CD79A: variants seen among roughly 807,000 people sequenced by gnomAD.
CD79A encodes the protein CD79a molecule.
A neutral mutation model predicts 27.4 loss-of-function variants in CD79A; 16 were observed. That is an observed-to-expected ratio of 0.58 (90% CI 0.40 to 0.89). CD79A has a LOEUF of 0.89. Among genes scored for constraint, CD79A ranks in the 40% least tolerant of loss-of-function variants. The pLI is 0.00. For missense variants in CD79A, 237 were observed against 299.7 expected (o/e 0.79, Z 1.55); for synonymous variants, 110 against 132.7 (o/e 0.83, Z 1.18).
In CD79A at chr19:41,879,407, G is replaced by A; in HGVS notation, c.379+118G>A. 1.6e-6 allele frequency: 2 copies of A among 1,245,234 alleles called. No individual in the cohort carries two copies. Among genetic ancestry groups the A allele is most frequent in the Non-Finnish European group, 2.3e-6 (2 of 879,110 alleles). 77.1% of individuals were successfully genotyped at this position (1,245,234 alleles called of 1,614,324 possible). On this transcript the variant is annotated intron_variant, in intron 2 of 4. Coordinates refer to ENST00000221972, the MANE Select transcript of CD79A (RefSeq NM_001783.4). The surrounding 1 kb of genome is among the most constrained non-coding windows in gnomAD (Gnocchi z 5.1). ...TGGGTTTCAAACCGGCTTGGACAGA[G>A]GGACGGACATTCTCCTCTGCAGAGT... is the stretch of plus-strand genomic sequence containing the variant.
In CD79A at chr19:41,879,778, C is replaced by T. The variant is rs2074210994; in HGVS notation, c.498+125C>T. The T allele has an allele frequency of 4.6e-6, 3 of 653,174 alleles. No individual in the cohort carries two copies. Among genetic ancestry groups the T allele is most frequent in the African/African-American group, 1.8e-5 (1 of 55,692 alleles). The allele number at this position is 653,174 out of a possible 1,614,324, so 40.5% of individuals were successfully genotyped here. On this transcript the variant is annotated intron_variant, in intron 3 of 4. Transcript: ENST00000221972. The surrounding 1 kb of genome is among the most constrained non-coding windows in gnomAD (Gnocchi z 5.1). ...AACTTGGGAGAATGAAAGCACCCAC[C>T]ATATAGGGGCTGTGGGAGTTAAATG... is the stretch of plus-strand genomic sequence containing the variant.
chr19:41,879,393 C>G lies in CD79A; in HGVS notation c.379+104C>G. The G allele has an allele frequency of 1.5e-6, 2 of 1,302,860 alleles. No individual in the cohort carries two copies. The highest frequency in any genetic ancestry group is 2.1e-6 in the Non-Finnish European group (2 of 930,370). 80.7% of individuals were successfully genotyped at this position (1,302,860 alleles called of 1,614,324 possible). On this transcript the variant is annotated intron_variant, in intron 2 of 4. Transcript: ENST00000221972. This position sits in a 1 kb window ranked among gnomAD's most constrained non-coding sequence, Gnocchi z 5.1. ...CAGTACCTTCAATGTGGGTTTCAAA[C>G]CGGCTTGGACAGAGGGACGGACATT...
Position 41,879,744 on chromosome 19 carries a change from C to A in CD79A, c.498+91C>A, listed in dbSNP as rs1421096260. On this transcript the variant is annotated intron_variant, in intron 3 of 4. Transcript: ENST00000221972. This position sits in a 1 kb window ranked among gnomAD's most constrained non-coding sequence, Gnocchi z 5.1. ...GGTAGCCCTCTAGAGCCTGAGGTTC[C>A]CCATCCAAAACTTGGGAGAATGAAA... 2.0e-5 allele frequency: 16 copies of A among 806,118 alleles called. No individual in the cohort carries two copies. The South Asian group carries it at 2.2e-4, about 11-fold the overall frequency. The allele number at this position is 806,118 out of a possible 1,614,324, so 49.9% of individuals were successfully genotyped here.
At chr19:41,880,522 A>C (rs1197282616) in intron 3 of CD79A, 148 bp from the exon 4 acceptor site, 1 of 700,998 alleles carries the variant, frequency 1.4e-6, no homozygotes, top group Non-Finnish European at 2.7e-6. Context: ...CTGGTTGTAG[A>C]CTCAGAGAGA....
In CD79A at chr19:41,877,413, G is replaced by A. The variant is rs371221426; in HGVS notation, c.79+30G>A. ...GTGGCCAAAGGGCAGGAACTGGCGGGAGGTGGGGGAAGCTGTGGAGGCTGC... is the reference window on the plus strand; with the variant it reads ...GTGGCCAAAGGGCAGGAACTGGCGGAAGGTGGGGGAAGCTGTGGAGGCTGC... On this transcript the variant is annotated intron_variant, in intron 1 of 4. Coordinates refer to ENST00000221972, the MANE Select transcript of CD79A (RefSeq NM_001783.4). This position sits in a 1 kb window ranked among gnomAD's most constrained non-coding sequence, Gnocchi z 4.1. 3.3e-5 allele frequency: 53 copies of A among 1,584,374 alleles called. No homozygotes were observed. In the African/African-American group the frequency reaches 6.3e-4, roughly 19 times the overall value.
chr19:41,878,108 G>A lies in CD79A; in HGVS notation c.79+725G>A, dbSNP rs533082862. Reference sequence around the variant, plus strand: ...GAGCTGGGGCTTCCCAGAGGAGCCCGGATTGGACACTGCAGCCAGCCTGAG... The same window carrying A: ...GAGCTGGGGCTTCCCAGAGGAGCCCAGATTGGACACTGCAGCCAGCCTGAG... On this transcript the variant is annotated intron_variant, in intron 1 of 4. Transcript: ENST00000221972. This position sits in a 1 kb window ranked among gnomAD's most constrained non-coding sequence, Gnocchi z 4.3. 3.3e-3 allele frequency among the ~76,000 whole-genome samples: 501 copies of A among 152,124 alleles called. No individual in the cohort carries two copies. Among genetic ancestry groups the A allele is most frequent in the African/African-American group, 0.012 (481 of 41,494 alleles).
At position 41,877,529 on chromosome 19, in the gene CD79A, G is replaced by A. The variant is rs1455676356; in HGVS notation, c.79+146G>A. The A allele has an allele frequency of 8.2e-5, 58 of 708,814 alleles. No individual in the cohort carries two copies. The Admixed American group carries it at 9.8e-4, about 12-fold the overall frequency. 43.9% of individuals were successfully genotyped at this position (708,814 alleles called of 1,614,324 possible). A position where few individuals can be genotyped will look rare whatever the true frequency, so the allele number is the denominator to read the frequency against. On this transcript the variant is annotated intron_variant, in intron 1 of 4. Transcript: ENST00000221972. This position sits in a 1 kb window ranked among gnomAD's most constrained non-coding sequence, Gnocchi z 4.1. ...CCCAGGGAAGATGCCTATAGAAATC[G>A]TATCTGTGCCAAGATGGGCCAAGGT...
chr19:41,880,730 C>A lies in CD79A; in HGVS notation c.559C>A (p.Leu187Ile). The change falls in exon 4 of 5, where the codon CTT becomes ATT. Residue 187 changes from leucine to isoleucine, a missense_variant. By Grantham distance (5) the Leu-to-Ile change is conservative. Coordinates refer to ENST00000221972, the MANE Select transcript of CD79A (RefSeq NM_001783.4). ...DAGDEYEDEN[L>I]YEGLNLDDCS... ...CGGGGATGAATATGAAGATGAAAAC[C>A]TTTATGAAGTGAGTGAAGGGTGGGG... 1.5e-6 allele frequency: 2 copies of A among 1,293,268 alleles called. No individual in the cohort carries two copies. Among genetic ancestry groups the A allele is most frequent in the Non-Finnish European group, 2.0e-6 (2 of 982,026 alleles). 80.1% of individuals were successfully genotyped at this position (1,293,268 alleles called of 1,614,324 possible).
In CD79A at chr19:41,877,449, C is replaced by A. The variant is rs2123301749; in HGVS notation, c.79+66C>A. ...AGCTGTGGAGGCTGCAGAGAGGGCA[C>A]AGGCAGAGGGAAGGGGGCTCAGGGA... On this transcript the variant is annotated intron_variant, in intron 1 of 4. Transcript: ENST00000221972. This position sits in a 1 kb window ranked among gnomAD's most constrained non-coding sequence, Gnocchi z 4.1. 3 of 1,309,918 alleles carry A rather than the reference C, an allele frequency of 2.3e-6. No individual in the cohort carries two copies. Among genetic ancestry groups the A allele is most frequent in the Non-Finnish European group, 3.3e-6 (3 of 902,912 alleles). The allele number at this position is 1,309,918 out of a possible 1,614,324, so 81.1% of individuals were successfully genotyped here. A position where few individuals can be genotyped will look rare whatever the true frequency, so the allele number is the denominator to read the frequency against.
At position 41,880,914 on chromosome 19, in the gene CD79A, C is replaced by T; in HGVS notation, c.615C>T (p.Gly205=). The part of the protein sequence containing the change: ...DCSMYEDISR[G]LQGTYQDVGS... ...CCATGTATGAGGACATCTCCCGGGG[C>T]CTCCAGGGCACCTACCAGGATGTGG... The change falls in exon 5 of 5, where the codon GGC becomes GGT. Residue 205 remains glycine, a synonymous_variant. Transcript: ENST00000221972. 1 of 1,605,538 alleles carries T rather than the reference C, an allele frequency of 6.2e-7. No individual in the cohort carries two copies. Among genetic ancestry groups the T allele is most frequent in the South Asian group, 1.1e-5 (1 of 89,012 alleles).
Position 41,880,757 on chromosome 19 carries a change from T to G in CD79A, c.567+19T>G, listed in dbSNP as rs1215527412. ...TTATGAAGTGAGTGAAGGGTGGGGA[T>G]GGGGTAGGGGCAGTTGTGTTAGGGG... On this transcript the variant is annotated intron_variant, in intron 4 of 4. Transcript: ENST00000221972. 5.5e-6 allele frequency: 5 copies of G among 913,290 alleles called. No individual in the cohort carries two copies. In the African/African-American group the frequency reaches 5.7e-5, roughly 10 times the overall value. The allele number at this position is 913,290 out of a possible 1,614,324, so 56.6% of individuals were successfully genotyped here. A position where few individuals can be genotyped will look rare whatever the true frequency, so the allele number is the denominator to read the frequency against.
rs536960351 is a variant in CD79A at position 41,879,026 on chromosome 19, C to G, written c.116C>G (p.Pro39Arg). The change falls in exon 2 of 5, where the codon CCA (proline) becomes CGA (arginine). Residue 39 changes from proline (P) to arginine (R), a missense_variant. Physicochemically the swap from Pro to Arg is moderately radical, Grantham distance 103 (BLOSUM62 -2). Coordinates refer to ENST00000221972, the MANE Select transcript of CD79A (RefSeq NM_001783.4). The surrounding 1 kb of genome is among the most constrained non-coding windows in gnomAD (Gnocchi z 5.1). ...CAGGCCCTGTGGATGCACAAGGTCC[C>G]AGCATCATTGATGGTGAGCCTGGGG... ...GCQALWMHKVPASLMVSLGED... is the reference protein window; with the variant it reads ...GCQALWMHKVRASLMVSLGED... The G allele has an allele frequency of 6.2e-7, 1 of 1,613,548 alleles. No homozygotes were observed. Among genetic ancestry groups the G allele is most frequent in the Non-Finnish European group, 8.5e-7 (1 of 1,179,966 alleles).
At position 41,881,221 on chromosome 19, in the gene CD79A, C is replaced by G. The variant is rs1282954877; in HGVS notation, c.*241C>G. The G allele has an allele frequency of 1.7e-5, 10 of 583,788 alleles. No individual in the cohort carries two copies. Among genetic ancestry groups the G allele is most frequent in the Non-Finnish European group, 3.1e-5 (10 of 324,380 alleles). The allele number at this position is 583,788 out of a possible 1,614,324, so 36.2% of individuals were successfully genotyped here. ...ACCTCCTAACCTAATCCCCCCGCCC[C>G]GCTGCCTTTCCCAGGCTCCCCTCAC... On this transcript the variant is annotated 3_prime_UTR_variant, in exon 5 of 5. Transcript: ENST00000221972.
Position 41,878,962 on chromosome 19 carries a change from CTGA to C in CD79A, c.80-27_80-25del. ...GGAAATGTGTCACCATCCCCAGTCC[CTGA>C]CCCACCCACCCTGTCTCTCCACAGG... On this transcript the variant is annotated intron_variant, in intron 1 of 4. Transcript: ENST00000221972. The surrounding 1 kb of genome is among the most constrained non-coding windows in gnomAD (Gnocchi z 4.3). The C allele has an allele frequency of 7.6e-7, 1 of 1,316,164 alleles. No individual in the cohort carries two copies. The highest frequency in any genetic ancestry group is 1.1e-6 in the Non-Finnish European group (1 of 919,948). 81.5% of individuals were successfully genotyped at this position (1,316,164 alleles called of 1,614,324 possible).
intron 3 of CD79A, among the ~76,000 whole-genome samples, chr19:41,880,232 T>A (rs1385918610): frequency 1.3e-5 from 2 of 151,630 alleles, no homozygotes; most frequent in African/African-American, 4.8e-5. Context: ...TAAAAAAAAA[T>A]TAGCCAGGCA....
chr19:41,879,445 G>A lies in CD79A; in HGVS notation c.380-90G>A. On this transcript the variant is annotated intron_variant, in intron 2 of 4. Transcript: ENST00000221972. This position sits in a 1 kb window ranked among gnomAD's most constrained non-coding sequence, Gnocchi z 5.1. Reference sequence around the variant, plus strand: ...TCCTCTGCAGAGTGGGGTCTCTGGGGGGTCTGGGGCCTTGCAGGAGGTGGG... The same window carrying A: ...TCCTCTGCAGAGTGGGGTCTCTGGGAGGTCTGGGGCCTTGCAGGAGGTGGG... 1 of 1,231,766 alleles carries A rather than the reference G, an allele frequency of 8.1e-7. No individual in the cohort carries two copies. Among genetic ancestry groups the A allele is most frequent in the South Asian group, 1.3e-5 (1 of 78,868 alleles). The allele number at this position is 1,231,766 out of a possible 1,614,324, so 76.3% of individuals were successfully genotyped here.
In CD79A at chr19:41,879,714, A is replaced by G. The variant is rs142891058; in HGVS notation, c.498+61A>G. On this transcript the variant is annotated intron_variant, in intron 3 of 4. Coordinates refer to ENST00000221972, the MANE Select transcript of CD79A (RefSeq NM_001783.4). This position sits in a 1 kb window ranked among gnomAD's most constrained non-coding sequence, Gnocchi z 5.1. ...GGGCCTGGGCCGAGGGACCCCCAATACCCAGGTAGCCCTCTAGAGCCTGAG... is the reference window on the plus strand; with the variant it reads ...GGGCCTGGGCCGAGGGACCCCCAATGCCCAGGTAGCCCTCTAGAGCCTGAG... The G allele has an allele frequency of 2.3e-3, 2,568 of 1,135,518 alleles. 20 individuals carry two copies. Among genetic ancestry groups the G allele is most frequent in the African/African-American group, 0.017 (1,106 of 65,880 alleles). 70.3% of individuals were successfully genotyped at this position (1,135,518 alleles called of 1,614,324 possible).
Position 41,879,443 on chromosome 19 carries a change from G to A in CD79A, c.380-92G>A, listed in dbSNP as rs2074207897. 8.2e-7 allele frequency: 1 copy of A among 1,219,138 alleles called. No individual in the cohort carries two copies. 75.5% of individuals were successfully genotyped at this position (1,219,138 alleles called of 1,614,324 possible). A position where few individuals can be genotyped will look rare whatever the true frequency, so the allele number is the denominator to read the frequency against. ...TCTCCTCTGCAGAGTGGGGTCTCTGGGGGGTCTGGGGCCTTGCAGGAGGTG... is the reference window on the plus strand; with the variant it reads ...TCTCCTCTGCAGAGTGGGGTCTCTGAGGGGTCTGGGGCCTTGCAGGAGGTG... On this transcript the variant is annotated intron_variant, in intron 2 of 4. Transcript: ENST00000221972. The surrounding 1 kb of genome is among the most constrained non-coding windows in gnomAD (Gnocchi z 5.1).
chr19:41,879,105 C>G lies in CD79A; in HGVS notation c.195C>G (p.Thr65=). 1 of 1,614,154 alleles carries G rather than the reference C, an allele frequency of 6.2e-7. No homozygotes were observed. Among genetic ancestry groups the G allele is most frequent in the Non-Finnish European group, 8.5e-7 (1 of 1,180,024 alleles). The stretch of plus-strand genomic sequence containing the variant: ...ATAGCAGCAACAACGCCAACGTCAC[C>G]TGGTGGCGCGTCCTCCATGGCAACT... ...PHNSSNNANV[T]WWRVLHGNYT... Residue 65 remains threonine (T), a synonymous_variant, in exon 2 of 5, where the codon ACC becomes ACG. Transcript: ENST00000221972. This position sits in a 1 kb window ranked among gnomAD's most constrained non-coding sequence, Gnocchi z 5.1.
Sources: allele counts gnomAD v4.1 joint callset (sites outside exome capture counted in the v4.1 genomes callset), GRCh38; gene constraint gnomAD v4.1.1; non-coding constraint Gnocchi (gnomAD v3.1); transcripts MANE v1.5; gene names NCBI Gene and HGNC (gene_info 2026-07-23, HGNC 2026-07-21).